Variants in SLC6A5 observed in about 807,000 individuals in gnomAD.
The protein encoded by SLC6A5 is sodium- and chloride-dependent glycine transporter 2.
Under a neutral mutation model 90.5 loss-of-function variants are expected in SLC6A5, and 58 were observed. That is an observed-to-expected ratio of 0.64 (90% CI 0.52 to 0.80). SLC6A5 has a LOEUF of 0.80. SLC6A5 is among the 30% of genes least tolerant of loss of function. The pLI is 0.00. For missense variants in SLC6A5, 1,015 were observed against 1,017.6 expected (o/e 1.00, Z 0.03); for synonymous variants, 427 against 401.4 (o/e 1.06, Z -0.76).
chr11:20,620,975 G>T (rs1430443936), intron 7 of SLC6A5, among the ~76,000 whole-genome samples: 3 of 151,700 alleles, frequency 2.0e-5, no homozygotes, highest in Non-Finnish European at 4.4e-5. Flanking sequence ...AATTTTTTTT[G>T]TATTTTTAGT....
chr11:20,605,306 T>C (rs1852557581), intron 3 of SLC6A5, among the ~76,000 whole-genome samples: 1 of 152,226 alleles, frequency 6.6e-6, no homozygotes, highest in Non-Finnish European at 1.5e-5. Context: ...GTTTTTGTTC[T>C]TTTGTTTTTG....
At chr11:20,634,250 G>A (rs1272438705) in intron 10 of SLC6A5, among the ~76,000 whole-genome samples, 1 of 152,140 alleles carries the variant, frequency 6.6e-6, no homozygotes, top group Non-Finnish European at 1.5e-5. Context: ...GAGGAGAGAG[G>A]CAGAACTTGG....
rs1853204540 is a variant in SLC6A5 at position 20,636,313 on chromosome 11, G to A, written c.1631G>A (p.Gly544Asp). 1 of 1,607,424 alleles carries A rather than the reference G, an allele frequency of 6.2e-7. No homozygotes were observed. Among genetic ancestry groups the A allele is most frequent in the Non-Finnish European group, 8.5e-7 (1 of 1,173,828 alleles). The change falls in exon 11 of 16, where the codon GGC becomes GAC. Residue 544 changes from glycine to aspartate, a missense_variant. Gly to Asp is a moderately conservative substitution (Grantham distance 94). Around this residue, in one of 3 missense-constraint regions of SLC6A5, gnomAD observed 442 missense variants for 494.3 expected, o/e 0.89. Transcript: ENST00000525748. ...NIENVADQGP[G>D]IAFVVYPEAL... ...TCTGTCTTGTTCCTTCCAGGGCCAG[G>A]CATTGCATTTGTGGTTTACCCGGAA...
chr11:20,601,385 C>T lies in SLC6A5; in HGVS notation c.260C>T (p.Ala87Val), dbSNP rs1383470600. Residue 87 changes from alanine (A) to valine (V), a missense_variant, in exon 2 of 16, where the codon GCG becomes GTG. Transcript: ENST00000525748. The part of the protein sequence containing the change: ...VGSCKLSSPR[A>V]QAASAALRDL... ...TCTTGCAAACTCAGTAGCCCGCGGG[C>T]GCAGGCGGCCTCTGCAGCTCTGCGG... 2.5e-6 allele frequency: 4 copies of T among 1,603,728 alleles called. No homozygotes were observed. The highest frequency in any genetic ancestry group is 2.2e-5 in the South Asian group (2 of 89,824).
At chr11:20,644,293 C>G (rs1853368248) in intron 13 of SLC6A5, among the ~76,000 whole-genome samples, 1 of 152,100 alleles carries the variant, frequency 6.6e-6, no homozygotes, top group Non-Finnish European at 1.5e-5. Context: ...TCTCTGTGTT[C>G]AATTTTTTTT....
intron 13 of SLC6A5, among the ~76,000 whole-genome samples, chr11:20,641,041 G>A (rs541836255): frequency 6.6e-6 from 1 of 152,304 alleles, no homozygotes; most frequent in African/African-American, 2.4e-5. Context: ...ACGTTCTCAA[G>A]TCAACATGCC....
At chr11:20,601,798 G>C (rs987612527) in intron 2 of SLC6A5, 133 bp downstream of exon 2, 1 of 980,886 alleles carries the variant, frequency 1.0e-6, no homozygotes, top group Admixed American at 2.0e-5. Flanking sequence ...GATGCGGGAG[G>C]CGGCTTTGGG....
At chr11:20,607,212 G>A in intron 4 of SLC6A5, 74 bp downstream of exon 4, 2 of 1,545,568 alleles carry the variant, frequency 1.3e-6, no homozygotes, top group Non-Finnish European at 8.8e-7. Flanking sequence ...GCAGCCCCAG[G>A]GAGGGAGACC....
rs140241698 is a variant in SLC6A5 at position 20,654,654 on chromosome 11, C to T, written c.2239-59C>T. 3.5e-4 allele frequency: 555 copies of T among 1,582,602 alleles called. 1 individual carries two copies. In the African/African-American group the frequency reaches 6.2e-3, roughly 18 times the overall value. On this transcript the variant is annotated intron_variant, in intron 15 of 15. Transcript: ENST00000525748. ...AGCAGTTTGGGGATGAGTGGGTCGT[C>T]CCCAGGTGAGGAAGGTGCACTACTT...
At chr11:20,622,345 T>C (rs1852907965) in intron 7 of SLC6A5, among the ~76,000 whole-genome samples, 1 of 152,136 alleles carries the variant, frequency 6.6e-6, no homozygotes, top group Non-Finnish European at 1.5e-5. Flanking sequence ...TGTGCAAAAT[T>C]GAGAGGCGCT....
chr11:20,639,376 G>A (rs1853271051), intron 13 of SLC6A5, among the ~76,000 whole-genome samples: 1 of 152,048 alleles, frequency 6.6e-6, no homozygotes, highest in African/African-American at 2.4e-5. Flanking sequence ...TCAGGAAGGC[G>A]AACACTTCCA....
intron 7 of SLC6A5, among the ~76,000 whole-genome samples, chr11:20,622,012 A>G (rs914616820): frequency 6.6e-6 from 1 of 151,718 alleles, no homozygotes; most frequent in Non-Finnish European, 1.5e-5. Context: ...GGCCTTTACC[A>G]CCTGTTCAGG....
chr11:20,618,347 G>A lies in SLC6A5; in HGVS notation c.1260+463G>A, dbSNP rs188419070. Among the ~76,000 whole-genome samples, 185 of 152,234 alleles carry A rather than the reference G, an allele frequency of 1.2e-3. 2 individuals are homozygous for A. Among genetic ancestry groups the A allele is most frequent in the Middle Eastern group, 6.8e-3 (2 of 294 alleles). On this transcript the variant is annotated intron_variant, in intron 7 of 15. Transcript: ENST00000525748. ...TAGTAGATTCCCTCTCCTCACTCCC[G>A]GCCACCATGTTCATGGCCTTCCTTG...
At chr11:20,629,183 T>C (rs921435898) in intron 9 of SLC6A5, 6 of 152,200 alleles carry the variant, frequency 3.9e-5, no homozygotes, top group African/African-American at 1.4e-4. Flanking sequence ...AAACCCTGGC[T>C]ATCTTACCAG....
intron 2 of SLC6A5, among the ~76,000 whole-genome samples, chr11:20,603,624 C>T (rs1214718370): frequency 6.6e-6 from 1 of 152,182 alleles, no homozygotes; most frequent in African/African-American, 2.4e-5. Context: ...CGTCTTGTTT[C>T]ACCTTCAAAT....
chr11:20,600,936 A>T (rs1268550128), intron 1 of SLC6A5, among the ~76,000 whole-genome samples, 193 bp from the exon 2 acceptor site: 2 of 152,170 alleles, frequency 1.3e-5, no homozygotes, highest in African/African-American at 4.8e-5. Context: ...TCTTTTTGTC[A>T]TCTGGTTATT....
In SLC6A5 at chr11:20,646,833, G is replaced by T. The variant is rs1853424429; in HGVS notation, c.1970-1G>T. On this transcript the variant is annotated splice_acceptor_variant, in intron 13 of 15. Transcript: ENST00000525748. LOFTEE classifies it high-confidence loss of function. ...CCTGTTCTCTGCTTGTCTATTTGCA[G>T]GCTTGCAAAGATTCTGTGAAGATAT... 1.2e-6 allele frequency: 2 copies of T among 1,606,158 alleles called. No individual in the cohort carries two copies. Among genetic ancestry groups the T allele is most frequent in the Non-Finnish European group, 1.7e-6 (2 of 1,172,934 alleles).
chr11:20,637,363 T>C (rs781183470), intron 12 of SLC6A5, 60 bp downstream of exon 12: 37 of 1,484,568 alleles, frequency 2.5e-5, no homozygotes, highest in Non-Finnish European at 3.2e-5. Context: ...GGCCAATAGC[T>C]ATCTGTCTTT....
intron 5 of SLC6A5, among the ~76,000 whole-genome samples, chr11:20,614,248 A>G (rs1352714311): frequency 6.6e-6 from 1 of 152,216 alleles, no homozygotes; most frequent in Non-Finnish European, 1.5e-5. Flanking sequence ...CTGCAGAGTC[A>G]TAAGGATCTG....
Sources: allele counts gnomAD v4.1 joint callset (sites outside exome capture counted in the v4.1 genomes callset), GRCh38; gene constraint gnomAD v4.1.1; regional missense constraint gnomAD v4.1.1; transcripts MANE v1.5; gene names NCBI Gene and HGNC (gene_info 2026-07-23, HGNC 2026-07-21).